C1QTNF5: variants seen among roughly 807,000 people sequenced by gnomAD.
C1QTNF5 encodes the protein C1q and TNF related 5.
A neutral mutation model predicts 10.9 loss-of-function variants in C1QTNF5; 5 were observed. The ratio of observed to expected loss-of-function variants is 0.46; its 90% CI spans 0.24 to 0.97. The LOEUF is 0.97. Ranked by LOEUF, C1QTNF5 falls within the 50% of genes least tolerant of loss-of-function variation. C1QTNF5 has a pLI of 0.19. For missense variants in C1QTNF5, 281 were observed against 339.4 expected (o/e 0.83, Z 1.35); for synonymous variants, 161 against 156.5 (o/e 1.03, Z -0.22).
chr11:119,345,755 T>C, upstream of C1QTNF5: 1 of 1,613,434 alleles, frequency 6.2e-7, no homozygotes, highest in South Asian at 1.1e-5. Context: ...TCCCGGAAGA[T>C]CTGCCCCCAG....
At chr11:119,344,687 A>G (rs1157298244), upstream of C1QTNF5, 1 of 1,614,012 alleles carries the variant, frequency 6.2e-7, no homozygotes, top group Non-Finnish European at 8.5e-7. Flanking sequence ...AGTTGGCAAA[A>G]CCATCACACA....
chr11:119,342,737 C>T (rs905681288), upstream of C1QTNF5: 2 of 1,613,582 alleles, frequency 1.2e-6, no homozygotes, highest in African/African-American at 1.3e-5. Flanking sequence ...TCTGCAGGCA[C>T]AAGGGGCATG....
upstream of C1QTNF5, chr11:119,342,698 G>C: frequency 1.2e-6 from 2 of 1,613,660 alleles, no homozygotes; most frequent in Non-Finnish European, 1.7e-6. Context: ...CCTCCTGCCT[G>C]GCAGGAGAGC....
chr11:119,341,919 G>A, upstream of C1QTNF5: 1 of 1,614,024 alleles, frequency 6.2e-7, no homozygotes, highest in East Asian at 2.2e-5. Context: ...CAGATGTTAG[G>A]GAAGGCTGTG....
upstream of C1QTNF5, chr11:119,344,964 C>T: frequency 1.2e-6 from 2 of 1,609,324 alleles, no homozygotes; most frequent in East Asian, 2.2e-5. Context: ...AGGTGGCTGG[C>T]ATTGGTGTTG....
In C1QTNF5 at chr11:119,340,684, G is replaced by T. The variant is rs1218388582; in HGVS notation, c.-44+11C>A. 4 of 389,172 alleles carry T rather than the reference G, an allele frequency of 1.0e-5. No individual in the cohort carries two copies. The highest frequency in any genetic ancestry group is 1.8e-5 in the Non-Finnish European group (4 of 227,898). The allele number at this position is 389,172 out of a possible 1,614,324, so 24.1% of individuals were successfully genotyped here. Reference sequence around the variant, plus strand: ...CTCCCCAGCCCCTTTCCCCTCCTCCGCCAGACTCACCCCCCCTCCCGGCTC... The same window carrying T: ...CTCCCCAGCCCCTTTCCCCTCCTCCTCCAGACTCACCCCCCCTCCCGGCTC... On this transcript the variant is annotated intron_variant, in intron 1 of 2. Coordinates refer to ENST00000528368, the MANE Select transcript of C1QTNF5 (RefSeq NM_001278431.2).
chr11:119,343,076 C>G, upstream of C1QTNF5: 1 of 1,537,060 alleles, frequency 6.5e-7, no homozygotes, highest in Non-Finnish European at 8.7e-7. Context: ...TCCCACAGGC[C>G]TGGCTCTGAG....
upstream of C1QTNF5, chr11:119,345,275 C>T: frequency 2.3e-6 from 2 of 879,460 alleles, no homozygotes; most frequent in Non-Finnish European, 3.6e-6. Flanking sequence ...TCACGGCACA[C>T]AGCAAGGTGG....
the C1QTNF5 span, chr11:119,346,036 G>T: frequency 6.2e-7 from 1 of 1,611,322 alleles, no homozygotes; most frequent in Non-Finnish European, 8.5e-7. Context: ...AGCTGTCCCC[G>T]GGTACTTACG....
upstream of C1QTNF5, chr11:119,343,728 A>G: frequency 6.5e-7 from 1 of 1,532,054 alleles, no homozygotes; most frequent in South Asian, 1.1e-5. Context: ...ATGAAGCTGG[A>G]GAATGGAATG....
intron 1 of C1QTNF5, 90 bp from the exon 2 acceptor site, chr11:119,340,530 C>A (rs923112036): frequency 1.0e-6 from 1 of 955,430 alleles, no homozygotes; most frequent in Non-Finnish European, 1.6e-6. Context: ...GTCCCCACCC[C>A]ACTGCCGTGC....
chr11:119,340,754 T>A lies in C1QTNF5; in HGVS notation c.-103A>T, dbSNP rs1455509986. The A allele has an allele frequency of 1.7e-5, 5 of 299,164 alleles. No homozygotes were observed. The East Asian group carries it at 4.5e-4, about 27-fold the overall frequency. 18.5% of individuals were successfully genotyped at this position (299,164 alleles called of 1,614,324 possible). A position where few individuals can be genotyped will look rare whatever the true frequency, so the allele number is the denominator to read the frequency against. ...GCGCTCGCTACTCCGGACCCTCCAG[T>A]TGGTGGTGCTCCAGCCCCCGCGCTT... On this transcript the variant is annotated 5_prime_UTR_variant, in exon 1 of 3. Coordinates refer to ENST00000528368, the MANE Select transcript of C1QTNF5 (RefSeq NM_001278431.2).
Position 119,339,633 on chromosome 11 carries a change from T to C in C1QTNF5, c.430A>G (p.Thr144Ala). The C allele has an allele frequency of 6.2e-7, 1 of 1,612,890 alleles. No individual in the cohort carries two copies. The highest frequency in any genetic ancestry group is 1.1e-5 in the South Asian group (1 of 91,090). The change falls in exon 3 of 3, where the codon ACC (threonine) becomes GCC (alanine). Residue 144 changes from threonine (T) to alanine (A), a missense_variant. Thr to Ala is a moderately conservative substitution (Grantham distance 58). Transcript: ENST00000528368. The surrounding 1 kb of genome is among the most constrained non-coding windows in gnomAD (Gnocchi z 5.4). The part of the protein sequence containing the change: ...GHYDAVTGKF[T>A]CQVPGVYYFA... ...TAGTAGACCCCAGGCACCTGGCAGG[T>C]GAACTTGCCGGTGACGGCGTCGTAA...
rs1950492903 is a variant in C1QTNF5 at position 119,340,582 on chromosome 11, A to C, written c.-44+113T>G. On this transcript the variant is annotated intron_variant, in intron 1 of 2. Coordinates refer to ENST00000528368, the MANE Select transcript of C1QTNF5 (RefSeq NM_001278431.2). Reference sequence around the variant, plus strand: ...TCGCAGGGCCGAGCATCCGGAGAGCACAGGCAGGCGCGAGAGGGTGGGAGC... The same window carrying C: ...TCGCAGGGCCGAGCATCCGGAGAGCCCAGGCAGGCGCGAGAGGGTGGGAGC... 4 of 625,088 alleles carry C rather than the reference A, an allele frequency of 6.4e-6. No homozygotes were observed. The South Asian group carries it at 8.2e-5, about 13-fold the overall frequency. 38.7% of individuals were successfully genotyped at this position (625,088 alleles called of 1,614,324 possible). A position where few individuals can be genotyped will look rare whatever the true frequency, so the allele number is the denominator to read the frequency against.
At chr11:119,344,904 C>T (rs1950544409), upstream of C1QTNF5, 1 of 1,612,502 alleles carries the variant, frequency 6.2e-7, no homozygotes, top group African/African-American at 1.3e-5. Flanking sequence ...TGGTACCAGG[C>T]ATGGAAACCA....
chr11:119,340,145 C>T (rs1320132727), intron 2 of C1QTNF5, 39 bp downstream of exon 2: 26 of 1,502,666 alleles, frequency 1.7e-5, no homozygotes, highest in Non-Finnish European at 2.3e-5. Context: ...CGCGCCTGCT[C>T]GGACATCGCC....
At chr11:119,340,146 G>C (rs753385722) in intron 2 of C1QTNF5, 38 bp downstream of exon 2, 4 of 1,502,562 alleles carry the variant, frequency 2.7e-6, no homozygotes, top group East Asian at 2.8e-5. Context: ...GCGCCTGCTC[G>C]GACATCGCCA....
At chr11:119,342,560 C>G (rs548201441), upstream of C1QTNF5, 1 of 1,610,902 alleles carries the variant, frequency 6.2e-7, no homozygotes, top group African/African-American at 1.3e-5. Flanking sequence ...GGTGGGCACC[C>G]AGCCTGCTCA....
At chr11:119,345,496 G>C (rs768642343), upstream of C1QTNF5, 1 of 1,614,152 alleles carries the variant, frequency 6.2e-7, no homozygotes, top group South Asian at 1.1e-5. Flanking sequence ...TCTATGCTGA[G>C]GGCTTCGATC....
Sources: allele counts gnomAD v4.1 joint callset, GRCh38; gene constraint gnomAD v4.1.1; non-coding constraint Gnocchi (gnomAD v3.1); transcripts MANE v1.5; gene names NCBI Gene and HGNC (gene_info 2026-07-23, HGNC 2026-07-21).